MARCHF1: variants seen among roughly 807,000 people sequenced by gnomAD.
The protein encoded by MARCHF1 is membrane associated ring-CH-type finger 1.
A neutral mutation model predicts 54.2 loss-of-function variants in MARCHF1; 40 were observed. The ratio of observed to expected loss-of-function variants is 0.74; its 90% confidence interval spans 0.57 to 0.96. MARCHF1 has a LOEUF of 0.96. Ranked by LOEUF, MARCHF1 falls within the 40% of genes least tolerant of loss-of-function variation. MARCHF1 has a pLI of 0.00. For missense variants in MARCHF1, 586 were observed against 656.5 expected (o/e 0.89, Z 1.17); for synonymous variants, 236 against 236.3 (o/e 1.00, Z 0.01).
intron 2 of MARCHF1, among the ~76,000 whole-genome samples, chr4:164,048,863 A>G (rs1256254707): frequency 6.6e-6 from 1 of 152,148 alleles, no homozygotes; most frequent in African/African-American, 2.4e-5. Context: ...GTATACCTCT[A>G]TTTGTCATCT....
At chr4:163,623,357 C>G (rs1053532114) in intron 5 of MARCHF1, among the ~76,000 whole-genome samples, 7 of 152,220 alleles carry the variant, frequency 4.6e-5, no homozygotes, top group African/African-American at 1.7e-4. Flanking sequence ...CTCTGGTACA[C>G]TGGGTCACGA....
chr4:163,573,809 G>C (rs1211849533), intron 8 of MARCHF1, among the ~76,000 whole-genome samples: 1 of 151,842 alleles, frequency 6.6e-6, no homozygotes, highest in African/African-American at 2.4e-5. Context: ...ATGATTTATA[G>C]TCCTTTGGGT....
At chr4:163,679,558 C>T (rs1232322257) in intron 5 of MARCHF1, among the ~76,000 whole-genome samples, 2 of 152,078 alleles carry the variant, frequency 1.3e-5, no homozygotes, top group South Asian at 2.1e-4. Flanking sequence ...CACAGCCTGG[C>T]AACGATAAAA....
chr4:164,152,639 T>C (rs962348867), intron 1 of MARCHF1, among the ~76,000 whole-genome samples: 1 of 152,138 alleles, frequency 6.6e-6, no homozygotes, highest in African/African-American at 2.4e-5. Flanking sequence ...CTTCTTTCCT[T>C]CCCAGATCCA....
chr4:164,176,964 CTCTCTCTCTCTCTCTCTA>C (rs1487194159), intron 1 of MARCHF1, among the ~76,000 whole-genome samples: 9 of 47,708 alleles, frequency 1.9e-4, no homozygotes, highest in African/African-American at 8.8e-4. Flanking sequence ...CTCTCTCTCT[CTCTCTCTCTCTCTCTCTA>C]TATATATATA....
chr4:164,182,924 A>G, intron 1 of MARCHF1, among the ~76,000 whole-genome samples: 1 of 152,044 alleles, frequency 6.6e-6, no homozygotes, highest in East Asian at 1.9e-4. Flanking sequence ...CAAATGATAG[A>G]GTCTCAGAAT....
At chr4:164,150,985 G>C (rs1249712517) in intron 1 of MARCHF1, among the ~76,000 whole-genome samples, 1 of 152,146 alleles carries the variant, frequency 6.6e-6, no homozygotes, top group African/African-American at 2.4e-5. Flanking sequence ...ATGTGAGAAA[G>C]TCTCGACTGG....
At chr4:164,164,416 T>A (rs571935355) in intron 1 of MARCHF1, among the ~76,000 whole-genome samples, 3 of 152,012 alleles carry the variant, frequency 2.0e-5, no homozygotes, top group Admixed American at 2.0e-4. Context: ...AGACACTACA[T>A]ATATTAAAAA....
At chr4:164,357,267 C>G (rs1730586046) in intron 1 of MARCHF1, among the ~76,000 whole-genome samples, 1 of 152,038 alleles carries the variant, frequency 6.6e-6, no homozygotes, top group Admixed American at 6.6e-5. Context: ...AGGGGAGAAT[C>G]TGTATCTTTG....
chr4:164,377,071 G>A (rs1041875646), intron 1 of MARCHF1, among the ~76,000 whole-genome samples: 10 of 152,140 alleles, frequency 6.6e-5, no homozygotes, highest in South Asian at 4.1e-4. Context: ...GGCATTCTCC[G>A]ACTTCCAATC....
At chr4:164,206,881 A>G (rs1731621173) in intron 1 of MARCHF1, among the ~76,000 whole-genome samples, 1 of 152,080 alleles carries the variant, frequency 6.6e-6, no homozygotes, top group African/African-American at 2.4e-5. Flanking sequence ...AAAACTCTGT[A>G]AACAGTAGAG....
chr4:163,907,768 A>G (rs548010761), intron 3 of MARCHF1, among the ~76,000 whole-genome samples: 2 of 152,288 alleles, frequency 1.3e-5, no homozygotes, highest in South Asian at 2.1e-4. Context: ...AAGCTGAACT[A>G]TATCAATTAC....
chr4:163,967,220 G>A (rs971337370), intron 3 of MARCHF1, among the ~76,000 whole-genome samples: 2 of 152,116 alleles, frequency 1.3e-5, no homozygotes, highest in African/African-American at 4.8e-5. Context: ...AGTCACTTAA[G>A]CAGAGGAGTG....
intron 1 of MARCHF1, among the ~76,000 whole-genome samples, chr4:164,132,865 A>C (rs970716491): frequency 6.6e-6 from 1 of 151,982 alleles, no homozygotes; most frequent in Admixed American, 6.6e-5. Flanking sequence ...GGGTCCATGG[A>C]TTCTTTAAAA....
intron 3 of MARCHF1, among the ~76,000 whole-genome samples, chr4:163,941,677 T>C (rs1424288962): frequency 1.3e-5 from 2 of 152,130 alleles, no homozygotes; most frequent in African/African-American, 4.8e-5. Flanking sequence ...TCCTCCATTT[T>C]CTGGTTTGTG....
intron 5 of MARCHF1, among the ~76,000 whole-genome samples, chr4:163,616,461 C>A (rs1036661414): frequency 1.3e-5 from 2 of 152,066 alleles, no homozygotes; most frequent in Non-Finnish European, 2.9e-5. Flanking sequence ...ATAGACATTT[C>A]TCAAAATAAG....
At chr4:163,813,796 A>C (rs1485187098) in intron 4 of MARCHF1, among the ~76,000 whole-genome samples, 1 of 152,110 alleles carries the variant, frequency 6.6e-6, no homozygotes, top group East Asian at 1.9e-4. Context: ...GGAGAAGCTG[A>C]GTGTTGGGAG....
At chr4:164,168,170 T>C (rs1358816168) in intron 1 of MARCHF1, among the ~76,000 whole-genome samples, 2 of 151,556 alleles carry the variant, frequency 1.3e-5, no homozygotes, top group African/African-American at 4.9e-5. Flanking sequence ...AAAATGAAAA[T>C]GTACTGAACG....
chr4:164,140,449 G>C (rs995698693), intron 1 of MARCHF1, among the ~76,000 whole-genome samples: 3 of 151,996 alleles, frequency 2.0e-5, no homozygotes, highest in Non-Finnish European at 4.4e-5. Flanking sequence ...CACTGCATTT[G>C]GACAATGAGA....
Sources: allele counts gnomAD v4.1 joint callset (sites outside exome capture counted in the v4.1 genomes callset), GRCh38; gene constraint gnomAD v4.1.1; transcripts MANE v1.5; gene names NCBI Gene and HGNC (gene_info 2026-07-23, HGNC 2026-07-21).